GPHN: variants seen among roughly 807,000 people sequenced by gnomAD.
GPHN encodes gephyrin.
A neutral mutation model predicts 95.5 loss-of-function variants in GPHN; 17 were observed. That is an observed-to-expected ratio of 0.18 (90% CI 0.12 to 0.27). The LOEUF (loss-of-function observed/expected upper bound fraction) is 0.27. Among genes scored for constraint, GPHN ranks in the 10% least tolerant of loss-of-function variants. The probability of loss-of-function intolerance (pLI) is 1.00; values close to 1 mark genes in which losing one functional copy is unlikely to be tolerated. For missense variants in GPHN, 660 were observed against 978.1 expected, an observed-to-expected ratio of 0.67 and a Z score of 4.34; for synonymous variants, 320 against 322.5, an observed-to-expected ratio of 0.99 and a Z score of 0.08.
At chr14:66,779,434 A>G (rs995946798) in intron 3 of GPHN, among the ~76,000 whole-genome samples, 2 of 152,304 alleles carry the variant, frequency 1.3e-5, no homozygotes, top group African/African-American at 4.8e-5. Flanking sequence ...TGACTCAAAA[A>G]TTGAACTCTA....
the GPHN span, chr14:67,412,229 G>A: frequency 9.2e-5 from 46 of 499,840 alleles, no homozygotes; most frequent in African/African-American, 7.7e-4. Flanking sequence ...CCCGGGGCAG[G>A]AAGTCAGACC....
chr14:67,555,266 C>A, the GPHN span, among the ~76,000 whole-genome samples: 37 of 152,328 alleles, frequency 2.4e-4, no homozygotes, highest in African/African-American at 8.4e-4. Context: ...CTTTCTCTTT[C>A]TAGTTCTTTA....
intron 9 of GPHN, among the ~76,000 whole-genome samples, chr14:67,015,376 G>A (rs1007658256): frequency 7.9e-5 from 12 of 152,004 alleles, no homozygotes; most frequent in African/African-American, 1.2e-4. Context: ...TCTATTTGCC[G>A]GCATTCTCTT....
chr14:66,586,706 A>T (rs1365886873), intron 1 of GPHN, among the ~76,000 whole-genome samples: 7 of 152,334 alleles, frequency 4.6e-5, no homozygotes, highest in Admixed American at 3.3e-4. Flanking sequence ...AAGAATATTG[A>T]ATATTGGCCC....
the GPHN span, among the ~76,000 whole-genome samples, chr14:67,499,177 AT>A: frequency 1.3e-5 from 2 of 150,928 alleles, no homozygotes; most frequent in Non-Finnish European, 1.5e-5. Flanking sequence ...TAATTTCTTA[AT>A]TTTTTTGTAG....
At chr14:66,790,156 T>G (rs1275313205) in intron 3 of GPHN, among the ~76,000 whole-genome samples, 2 of 152,202 alleles carry the variant, frequency 1.3e-5, no homozygotes, top group African/African-American at 2.4e-5. Context: ...TAAAAAAGTT[T>G]TTTTAAAAAT....
At chr14:67,530,899 G>T in the GPHN span, among the ~76,000 whole-genome samples, 2 of 152,146 alleles carry the variant, frequency 1.3e-5, no homozygotes, top group Non-Finnish European at 2.9e-5. Flanking sequence ...AAAAGAAGAC[G>T]AATGGCCTCC....
At chr14:67,735,133 G>A in the GPHN span, 3 of 821,644 alleles carry the variant, frequency 3.7e-6, no homozygotes, top group South Asian at 2.7e-5. Context: ...AGGCATGGGT[G>A]TTGATTCGAC....
chr14:67,686,634 G>A, the GPHN span, among the ~76,000 whole-genome samples: 11 of 70,166 alleles, frequency 1.6e-4, no homozygotes, highest in African/African-American at 5.2e-4. Flanking sequence ...GTGAGACACC[G>A]GTGCAAAAAA....
At chr14:67,635,571 C>A in the GPHN span, among the ~76,000 whole-genome samples, 1 of 152,226 alleles carries the variant, frequency 6.6e-6, no homozygotes, top group Admixed American at 6.5e-5. Context: ...TCCAGGAATT[C>A]GGCCGGGCAC....
In GPHN at chr14:66,930,961, A is replaced by G. The variant is rs140650458; in HGVS notation, c.828+6669A>G. ...TTACCAGAGAGTTTGGGGCCTTCAG[A>G]TGATTTCTTATTTCTCTTTAATATT... On this transcript the variant is annotated intron_variant, in intron 8 of 22. Coordinates refer to ENST00000478722, the MANE Select transcript of GPHN (RefSeq NM_020806.5). Among the ~76,000 whole-genome samples the G allele has an allele frequency of 3.8e-3, 575 of 152,238 alleles. 1 individual carries two copies. Among genetic ancestry groups the G allele is most frequent in the African/African-American group, 0.013 (558 of 41,560 alleles).
At chr14:67,108,529 A>G (rs2153684188) in intron 13 of GPHN, among the ~76,000 whole-genome samples, 1 of 152,322 alleles carries the variant, frequency 6.6e-6, no homozygotes, top group Non-Finnish European at 1.5e-5. Flanking sequence ...GTAATATATA[A>G]TGCACTTAAC....
intron 3 of GPHN, among the ~76,000 whole-genome samples, chr14:66,784,700 A>G (rs2059712087): frequency 6.6e-6 from 1 of 152,188 alleles, no homozygotes; most frequent in Non-Finnish European, 1.5e-5. Context: ...TGTAATACTG[A>G]GAACAGCCAC....
chr14:67,192,242 A>G, the GPHN span, among the ~76,000 whole-genome samples: 1 of 152,196 alleles, frequency 6.6e-6, no homozygotes, highest in African/African-American at 2.4e-5. Flanking sequence ...TTAATACACA[A>G]TCGTGATAGA....
chr14:66,631,059 T>C (rs901962648), intron 1 of GPHN, among the ~76,000 whole-genome samples: 1 of 151,958 alleles, frequency 6.6e-6, no homozygotes, highest in Admixed American at 6.5e-5. Flanking sequence ...TGTTTTTGTT[T>C]GTTTTTTTTG....
intron 9 of GPHN, among the ~76,000 whole-genome samples, chr14:67,018,114 CCTATT>C (rs2073411348): frequency 6.6e-6 from 1 of 152,004 alleles, no homozygotes; most frequent in Non-Finnish European, 1.5e-5. Context: ...ACTATTAACT[CCTATT>C]CTATATTATA....
At chr14:66,552,904 T>G (rs2059868638) in intron 1 of GPHN, among the ~76,000 whole-genome samples, 1 of 152,126 alleles carries the variant, frequency 6.6e-6, no homozygotes, top group Non-Finnish European at 1.5e-5. Context: ...ACTGTATTGA[T>G]TCTAATGTAT....
chr14:66,738,300 C>G (rs1445333277), intron 2 of GPHN, among the ~76,000 whole-genome samples: 1 of 152,170 alleles, frequency 6.6e-6, no homozygotes, highest in Non-Finnish European at 1.5e-5. Flanking sequence ...AACAGACTTT[C>G]TTCTTACCCT....
At chr14:66,788,866 G>T (rs553572170) in intron 3 of GPHN, among the ~76,000 whole-genome samples, 17 of 152,064 alleles carry the variant, frequency 1.1e-4, no homozygotes, top group African/African-American at 4.1e-4. Flanking sequence ...CCATGTTTTA[G>T]TAAAGATGGG....
Sources: gnomAD v4.1 joint callset for allele counts (sites outside exome capture counted in the v4.1 genomes callset) on GRCh38, gnomAD v4.1.1 for gene constraint, MANE v1.5 for transcripts, NCBI Gene and HGNC (gene_info 2026-07-23, HGNC 2026-07-21) for gene names.